The following RSPH1 variants were observed in gnomAD, a reference collection of about 807,000 sequenced individuals.
The protein encoded by RSPH1 is radial spoke head component 1, also known as radial spoke head 1 homolog.
RSPH1 carries 32 observed loss-of-function variants against 44.2 expected under a neutral mutation model. The observed-to-expected ratio is 0.72, with a 90% CI of 0.55 to 0.97. RSPH1 has a LOEUF of 0.97. Among genes scored for constraint, RSPH1 ranks in the 50% least tolerant of loss-of-function variants. RSPH1 has a pLI of 0.00. For synonymous variants in RSPH1, 134 were observed against 147.3 expected (o/e 0.91, Z 0.65); for missense variants, 391 against 398.7 (o/e 0.98, Z 0.16).
intron 4 of RSPH1, chr21:42,486,157 G>T (rs759997162): frequency 2.4e-5 from 14 of 584,128 alleles, no homozygotes; most frequent in Non-Finnish European, 4.3e-5. Flanking sequence ...CACGTGCTCT[G>T]CCCCAACTGA....
rs76934220 is a variant in RSPH1 at position 42,487,412 on chromosome 21, A to G, written c.275-951T>C. Among the ~76,000 whole-genome samples, 1,428 of 152,330 alleles carry G rather than the reference A, an allele frequency of 9.4e-3. 30 individuals are homozygous for G. The highest frequency in any genetic ancestry group is 0.032 in the African/African-American group (1,349 of 41,574). ...TATGAATAATAAAAAGCAAATGTTGATCAATTTGTTGATCAAAGAGAAAAG... is the reference window on the plus strand; with the variant it reads ...TATGAATAATAAAAAGCAAATGTTGGTCAATTTGTTGATCAAAGAGAAAAG... On this transcript the variant is annotated intron_variant, in intron 3 of 8. Transcript: ENST00000291536.
intron 3 of RSPH1, among the ~76,000 whole-genome samples, chr21:42,488,299 A>G (rs981324366): frequency 2.6e-5 from 4 of 152,218 alleles, no homozygotes; most frequent in African/African-American, 4.8e-5. Context: ...AGGGGCAGTG[A>G]TGTGCCTGGA....
chr21:42,480,570 G>A (rs912656728), intron 6 of RSPH1, among the ~76,000 whole-genome samples: 8 of 149,002 alleles, frequency 5.4e-5, no homozygotes, highest in Non-Finnish European at 1.2e-4. Context: ...AACCCGGGAG[G>A]TGGAGTTTGC....
intron 8 of RSPH1, among the ~76,000 whole-genome samples, chr21:42,473,165 G>C (rs2054010538): frequency 6.6e-6 from 1 of 152,160 alleles, no homozygotes; most frequent in Non-Finnish European, 1.5e-5. Context: ...CAGCTTTGTG[G>C]CTAAAACATG....
chr21:42,490,581 G>T (rs2054226390), intron 3 of RSPH1, among the ~76,000 whole-genome samples: 1 of 152,138 alleles, frequency 6.6e-6, no homozygotes, highest in African/African-American at 2.4e-5. Context: ...AAGATACAAA[G>T]CCATCTGGAG....
intron 3 of RSPH1, among the ~76,000 whole-genome samples, chr21:42,489,322 CAGTT>C (rs1238144749): frequency 9.1e-5 from 13 of 142,416 alleles, no homozygotes; most frequent in Non-Finnish European, 1.1e-4. Flanking sequence ...GTTGGTTAGA[CAGTT>C]GGTTGGTTAA....
rs2054182260 is a variant in RSPH1 at position 42,486,469 on chromosome 21, G to A, written c.275-8C>T. The A allele has an allele frequency of 1.9e-6, 3 of 1,609,722 alleles. No individual in the cohort carries two copies. The highest frequency in any genetic ancestry group is 4.5e-5 in the East Asian group (2 of 44,872). ...GGTCATTTGCCCACTCTCCTGAAAGGAACAACACAAAGGCAAGCCCAGGTG... is the reference window on the plus strand; with the variant it reads ...GGTCATTTGCCCACTCTCCTGAAAGAAACAACACAAAGGCAAGCCCAGGTG... On this transcript the variant is annotated splice_region_variant and splice_polypyrimidine_tract_variant and intron_variant, in intron 3 of 8. Coordinates refer to ENST00000291536, the MANE Select transcript of RSPH1 (RefSeq NM_080860.4).
At chr21:42,486,336 G>A in intron 4 of RSPH1, 35 bp downstream of exon 4, 1 of 1,431,634 alleles carries the variant, frequency 7.0e-7, no homozygotes, top group South Asian at 1.1e-5. Flanking sequence ...CATTACATAA[G>A]CAAATCCCGT....
At chr21:42,473,396 C>A (rs1163150635) in intron 8 of RSPH1, among the ~76,000 whole-genome samples, 1 of 150,488 alleles carries the variant, frequency 6.6e-6, no homozygotes, top group Non-Finnish European at 1.5e-5. Flanking sequence ...GAGGCTGAGG[C>A]AAGAGAATCG....
At chr21:42,475,275 A>G (rs1168362875) in intron 8 of RSPH1, among the ~76,000 whole-genome samples, 2 of 152,162 alleles carry the variant, frequency 1.3e-5, no homozygotes, top group African/African-American at 4.8e-5. Flanking sequence ...GTCTGAAACC[A>G]TACTCCTGTT....
Position 42,472,784 on chromosome 21 carries a change from C to T in RSPH1, c.*34G>A, listed in dbSNP as rs1568955586. On this transcript the variant is annotated 3_prime_UTR_variant, in exon 9 of 9. Transcript: ENST00000291536. ...GCACCCGGCTAACGACAGAAGCATT[C>T]TTATGATACGATCTCCTCTCGGCTC... The T allele has an allele frequency of 6.4e-7, 1 of 1,552,716 alleles. No homozygotes were observed. Among genetic ancestry groups the T allele is most frequent in the Admixed American group, 1.7e-5 (1 of 58,706 alleles).
At chr21:42,475,030 A>C (rs2054030558) in intron 8 of RSPH1, among the ~76,000 whole-genome samples, 1 of 151,994 alleles carries the variant, frequency 6.6e-6, no homozygotes, top group South Asian at 2.1e-4. Flanking sequence ...CAAGCACGAC[A>C]CCCTCTTTCA....
At chr21:42,489,041 T>C (rs1263818143) in intron 3 of RSPH1, among the ~76,000 whole-genome samples, 1 of 152,036 alleles carries the variant, frequency 6.6e-6, no homozygotes, top group Non-Finnish European at 1.5e-5. Flanking sequence ...GGTTGGTTGG[T>C]TGGTTGGCTG....
chr21:42,482,833 A>C (rs2054143178), intron 5 of RSPH1, 125 bp from the exon 6 acceptor site: 1 of 632,744 alleles, frequency 1.6e-6, no homozygotes, highest in Admixed American at 3.2e-5. Context: ...GGATTAAGGA[A>C]TGCTTTTGTG....
chr21:42,482,324 T>G (rs1373819733), intron 6 of RSPH1, among the ~76,000 whole-genome samples: 1 of 152,156 alleles, frequency 6.6e-6, no homozygotes, highest in Non-Finnish European at 1.5e-5. Flanking sequence ...CCTAAAGCAA[T>G]CCACCGCTTC....
chr21:42,480,170 A>G (rs1424625096), intron 6 of RSPH1, among the ~76,000 whole-genome samples: 2 of 152,212 alleles, frequency 1.3e-5, no homozygotes, highest in East Asian at 3.8e-4. Context: ...TCAGGAAAAG[A>G]GGGTGGCTGA....
rs1365143088 is a variant in RSPH1, at chr21:42,482,718, A to T, written c.502-10T>A. 2.5e-6 allele frequency: 4 copies of T among 1,606,966 alleles called. No homozygotes were observed. In the South Asian group the frequency reaches 4.4e-5, roughly 18 times the overall value. On this transcript the variant is annotated splice_polypyrimidine_tract_variant and intron_variant, in intron 5 of 8. Transcript: ENST00000291536. ...TTCCAGGGCCAACAGGCTACGAGCA[A>T]AGAGAAACCATTCTTAAGTGTCAAC...
intron 3 of RSPH1, among the ~76,000 whole-genome samples, chr21:42,492,012 A>C (rs2054240867): frequency 6.6e-6 from 1 of 152,250 alleles, no homozygotes. Flanking sequence ...GTCCAAGGTT[A>C]GGGTCACAGA....
In RSPH1 at chr21:42,493,029, C is replaced by G; in HGVS notation, c.105G>C (p.Arg35Ser). 6.2e-7 allele frequency: 1 copy of G among 1,614,148 alleles called. No individual in the cohort carries two copies. The highest frequency in any genetic ancestry group is 2.2e-5 in the East Asian group (1 of 44,892). Residue 35 changes from arginine to serine, a missense_variant, in exon 2 of 9, where the codon AGG becomes AGC. Coordinates refer to ENST00000291536, the MANE Select transcript of RSPH1 (RefSeq NM_080860.4). ...NEAGERHGRG[R>S]ARLPNGDTYE... is the part of the protein sequence containing the mutation. ...AGGTGTCCCCGTTGGGTAGCCGTGCCCTCCCACGTCCGTGCCTTTCGCCTG... is the reference window on the plus strand; with the variant it reads ...AGGTGTCCCCGTTGGGTAGCCGTGCGCTCCCACGTCCGTGCCTTTCGCCTG...
Sources: gnomAD v4.1 joint callset for allele counts (sites outside exome capture counted in the v4.1 genomes callset) on GRCh38, gnomAD v4.1.1 for gene constraint, MANE v1.5 for transcripts, NCBI Gene and HGNC (gene_info 2026-07-23, HGNC 2026-07-21) for gene names.